RAD51B: variants seen among roughly 807,000 people sequenced by gnomAD.
RAD51B encodes DNA repair protein RAD51 homolog 2.
RAD51B carries 38 observed loss-of-function variants against 42.2 expected under a neutral mutation model. The observed-to-expected ratio is 0.90, with a 90% CI of 0.70 to 1.18. The LOEUF is 1.18. RAD51B is among the 50% of genes most tolerant of loss of function. RAD51B has a pLI of 0.00. For synonymous variants in RAD51B, 154 were observed against 145.2 expected (o/e 1.06, Z -0.43); for missense variants, 373 against 400.7 (o/e 0.93, Z 0.59).
intron 11 of RAD51B, among the ~76,000 whole-genome samples, chr14:68,671,026 C>A (rs979248942): frequency 1.3e-5 from 2 of 152,196 alleles, no homozygotes; most frequent in African/African-American, 4.8e-5. Flanking sequence ...GCTGGCCCCC[C>A]CAAGATGGTA....
At chr14:68,083,783 A>T (rs2076947404) in intron 7 of RAD51B, among the ~76,000 whole-genome samples, 1 of 152,166 alleles carries the variant, frequency 6.6e-6, no homozygotes, top group Admixed American at 6.5e-5. Flanking sequence ...AAACATGAAG[A>T]GTTCTGCTTA....
chr14:68,463,481 A>G (rs2085897290), intron 9 of RAD51B, among the ~76,000 whole-genome samples: 1 of 152,168 alleles, frequency 6.6e-6, no homozygotes, highest in Admixed American at 6.5e-5. Flanking sequence ...ATACATCTTA[A>G]TATAGTATAT....
intron 7 of RAD51B, among the ~76,000 whole-genome samples, chr14:68,083,014 C>A (rs1434446128): frequency 6.6e-6 from 1 of 152,168 alleles, no homozygotes; most frequent in Non-Finnish European, 1.5e-5. Context: ...TATGCTGGAT[C>A]ACAACTCTTA....
chr14:67,900,518 G>A (rs1033697068), intron 7 of RAD51B, among the ~76,000 whole-genome samples: 2 of 151,352 alleles, frequency 1.3e-5, no homozygotes, highest in African/African-American at 4.8e-5. Flanking sequence ...CACTGTTCAT[G>A]AATTTAATTA....
downstream of RAD51B, among the ~76,000 whole-genome samples, chr14:68,598,164 A>G (rs959674256): frequency 6.6e-6 from 1 of 152,208 alleles, no homozygotes; most frequent in Non-Finnish European, 1.5e-5. Flanking sequence ...TTACCTTTTT[A>G]TTATTGATGA....
intron 7 of RAD51B, among the ~76,000 whole-genome samples, chr14:68,131,644 C>T (rs1439438969): frequency 6.6e-6 from 1 of 152,028 alleles, no homozygotes; most frequent in Non-Finnish European, 1.5e-5. Context: ...TGCAGTGAGC[C>T]GAGATCATGC....
At chr14:68,497,692 C>A in intron 10 of RAD51B, 1 of 308,982 alleles carries the variant, frequency 3.2e-6, no homozygotes, top group Non-Finnish European at 5.3e-6. Flanking sequence ...CTATTTCCCC[C>A]TCCTCCCAGC....
At chr14:68,519,587 C>T (rs1379985387) in intron 10 of RAD51B, among the ~76,000 whole-genome samples, 2 of 152,174 alleles carry the variant, frequency 1.3e-5, no homozygotes, top group African/African-American at 2.4e-5. Flanking sequence ...ACTGACAACA[C>T]GACTGGTTCT....
chr14:68,103,022 A>G (rs1051559195), intron 7 of RAD51B, among the ~76,000 whole-genome samples: 1 of 152,130 alleles, frequency 6.6e-6, no homozygotes, highest in Non-Finnish European at 1.5e-5. Context: ...CCATCAGATC[A>G]TGTGAGAACT....
rs188988172 is a variant in RAD51B, at chr14:68,411,615, G to C, written c.957+88G>C. ...TGAGCGTCTTCTGAAAATGCTGGCC[G>C]CATTGTCTGTCCTGAGCCAGCAGCA... On this transcript the variant is annotated intron_variant, in intron 9 of 10. Transcript: ENST00000471583. 1.7e-5 allele frequency: 21 copies of C among 1,248,088 alleles called. 2 individuals carry two copies. The South Asian group carries it at 2.6e-4, about 16-fold the overall frequency. The allele number at this position is 1,248,088 out of a possible 1,614,324, so 77.3% of individuals were successfully genotyped here.
intron 10 of RAD51B, among the ~76,000 whole-genome samples, chr14:68,469,363 T>G (rs895482798): frequency 1.3e-5 from 2 of 152,214 alleles, no homozygotes; most frequent in South Asian, 4.1e-4. Flanking sequence ...TCCTTCCCCT[T>G]CTAAAATGTC....
At chr14:68,043,129 C>G (rs1195720169) in intron 7 of RAD51B, among the ~76,000 whole-genome samples, 1 of 152,038 alleles carries the variant, frequency 6.6e-6, no homozygotes, top group African/African-American at 2.4e-5. Context: ...GTTTATTTAC[C>G]TAGAGCTTCA....
At chr14:68,266,182 A>G (rs926689550) in intron 7 of RAD51B, among the ~76,000 whole-genome samples, 3 of 152,230 alleles carry the variant, frequency 2.0e-5, no homozygotes, top group African/African-American at 4.8e-5. Context: ...TGCAAGGTTC[A>G]TTACTGAACC....
intron 7 of RAD51B, among the ~76,000 whole-genome samples, chr14:67,910,288 A>C: frequency 7.6e-6 from 1 of 131,856 alleles, no homozygotes; most frequent in East Asian, 2.0e-4. Flanking sequence ...TTTAACTTAT[A>C]AATATTTCTC....
intron 10 of RAD51B, among the ~76,000 whole-genome samples, chr14:68,589,829 C>T (rs1244615359): frequency 6.6e-6 from 1 of 152,184 alleles, no homozygotes; most frequent in African/African-American, 2.4e-5. Context: ...CTAATGGTTA[C>T]AGGGATAGAA....
At chr14:67,973,689 A>G (rs564278532) in intron 7 of RAD51B, among the ~76,000 whole-genome samples, 1 of 152,252 alleles carries the variant, frequency 6.6e-6, no homozygotes, top group South Asian at 2.1e-4. Context: ...AATGCCCACA[A>G]ACATTTTCAA....
intron 11 of RAD51B, among the ~76,000 whole-genome samples, chr14:68,664,707 C>T (rs890290920): frequency 8.5e-5 from 13 of 152,162 alleles, no homozygotes; most frequent in African/African-American, 2.9e-4. Context: ...TTCATATGTG[C>T]TTATTTGCTG....
intron 7 of RAD51B, among the ~76,000 whole-genome samples, chr14:68,194,563 G>T (rs2079331713): frequency 6.6e-6 from 1 of 152,206 alleles, no homozygotes; most frequent in Non-Finnish European, 1.5e-5. Flanking sequence ...GTGTAGCTTT[G>T]AGTTTCTTGA....
intron 7 of RAD51B, among the ~76,000 whole-genome samples, chr14:68,106,146 C>T (rs776195445): frequency 2.0e-5 from 3 of 151,786 alleles, no homozygotes; most frequent in Admixed American, 2.0e-4. Flanking sequence ...TTTGAGCATT[C>T]GTTTTGTTCT....
Sources: allele counts gnomAD v4.1 joint callset (sites outside exome capture counted in the v4.1 genomes callset), GRCh38; gene constraint gnomAD v4.1.1; transcripts MANE v1.5; gene names NCBI Gene and HGNC (gene_info 2026-07-23, HGNC 2026-07-21).